Variants in KLHL13 observed in about 807,000 individuals in gnomAD.
KLHL13 encodes kelch like family member 13, also known as kelch-like protein 13.
A neutral mutation model predicts 37.1 loss-of-function variants in KLHL13; 10 were observed. The observed-to-expected ratio is 0.27, with a 90% CI of 0.17 to 0.46. The LOEUF (loss-of-function observed/expected upper bound fraction) is 0.46. Ranked by LOEUF, KLHL13 falls within the 20% of genes least tolerant of loss-of-function variation. KLHL13 has a pLI of 1.00. For missense variants in KLHL13, 360 were observed against 509.3 expected, an observed-to-expected ratio of 0.71 and a Z score of 2.82; for synonymous variants, 163 against 181.2, an observed-to-expected ratio of 0.90 and a Z score of 0.81.
intron 5 of KLHL13, among the ~76,000 whole-genome samples, chrX:117,905,505 GCACACACACA>G (rs34703680): frequency 1.9e-5 from 2 of 103,259 alleles, no homozygotes; most frequent in African/African-American, 7.1e-5. Flanking sequence ...GCTAGTGCGT[GCACACACACA>G]CACACACACA....
At chrX:118,108,819 T>G (rs2055374367) in intron 1 of KLHL13, among the ~76,000 whole-genome samples, 1 of 111,344 alleles carries the variant, frequency 9.0e-6, no homozygotes, top group Non-Finnish European at 1.9e-5. Context: ...TTTAGATTTT[T>G]TTTTTGAGAC....
chrX:118,080,788 A>C (rs1362529782), intron 1 of KLHL13, among the ~76,000 whole-genome samples: 1 of 112,138 alleles, frequency 8.9e-6, no homozygotes, highest in Non-Finnish European at 1.9e-5. Context: ...TTAGATCATT[A>C]TGCCAAAAAT....
chrX:117,927,688 G>T (rs995358016), intron 2 of KLHL13, among the ~76,000 whole-genome samples: 1 of 112,086 alleles, frequency 8.9e-6, no homozygotes, highest in Non-Finnish European at 1.9e-5. Context: ...CAAAATGAAT[G>T]AATCTTAAAA....
chrX:118,020,310 A>G (rs977977751), intron 1 of KLHL13, among the ~76,000 whole-genome samples: 2 of 111,606 alleles, frequency 1.8e-5, no homozygotes, highest in Admixed American at 9.5e-5. Context: ...TTGTTGGTGT[A>G]TAAGAATACT....
chrX:118,030,741 T>A (rs1241640567), intron 1 of KLHL13, among the ~76,000 whole-genome samples: 1 of 111,928 alleles, frequency 8.9e-6, no homozygotes, highest in Non-Finnish European at 1.9e-5. Flanking sequence ...CCTCTGCCTC[T>A]TTTTGCCCTT....
chrX:117,962,264 G>A, intron 1 of KLHL13, among the ~76,000 whole-genome samples: 1 of 107,588 alleles, frequency 9.3e-6, no homozygotes, highest in African/African-American at 3.4e-5. Flanking sequence ...CCATTCGTTT[G>A]CAGTAATTTG....
chrX:117,900,374 A>G (rs1435475782), intron 6 of KLHL13, among the ~76,000 whole-genome samples: 2 of 112,178 alleles, frequency 1.8e-5, no homozygotes, highest in Non-Finnish European at 3.8e-5. Flanking sequence ...TATAGTTTCT[A>G]ACCACTCTTG....
chrX:118,073,668 T>C lies in KLHL13; in HGVS notation c.-56+42840A>G, dbSNP rs2054897471. 2.7e-5 allele frequency among the ~76,000 whole-genome samples: 3 copies of C among 112,165 alleles called. No homozygotes were observed. In the Admixed American group the frequency reaches 2.8e-4, roughly 11 times the overall value. Reference sequence around the variant, plus strand: ...AAGTCATAGAAGAGTTAAGGAATAATTTTGAAAGTTGTGGGAAGGGATGTT... The same window carrying C: ...AAGTCATAGAAGAGTTAAGGAATAACTTTGAAAGTTGTGGGAAGGGATGTT... On this transcript the variant is annotated intron_variant, in intron 1 of 6. Coordinates refer to the KLHL13 transcript ENST00000371882.
At chrX:117,935,681 AACTC>A (rs961899862) in intron 2 of KLHL13, among the ~76,000 whole-genome samples, 2 of 110,833 alleles carry the variant, frequency 1.8e-5, no homozygotes, top group African/African-American at 6.6e-5. Context: ...ATCTCTTGAG[AACTC>A]ACTCACTATC....
intron 1 of KLHL13, among the ~76,000 whole-genome samples, chrX:117,989,575 A>G (rs940056711): frequency 9.0e-6 from 1 of 111,272 alleles, no homozygotes; most frequent in African/African-American, 3.3e-5. Context: ...AAAGTTACAT[A>G]AATGATCAAC....
At chrX:117,907,877 T>G (rs952052722) in intron 5 of KLHL13, among the ~76,000 whole-genome samples, 1 of 110,958 alleles carries the variant, frequency 9.0e-6, no homozygotes, top group Non-Finnish European at 1.9e-5. Flanking sequence ...CAGGAAAGTA[T>G]AAAAGCTGAG....
intron 1 of KLHL13, among the ~76,000 whole-genome samples, chrX:117,952,436 A>T (rs1377500521): frequency 9.3e-6 from 1 of 108,099 alleles, no homozygotes; most frequent in Non-Finnish European, 1.9e-5. Flanking sequence ...TGTTAGACCT[A>T]AAACCATAAA....
intron 1 of KLHL13, among the ~76,000 whole-genome samples, chrX:118,093,664 C>T (rs1170580444): frequency 9.0e-6 from 1 of 111,462 alleles, no homozygotes; most frequent in Admixed American, 9.6e-5. Context: ...TAGGTTATAG[C>T]TAGGAAATCA....
chrX:118,017,257 CTTATTA>C (rs1054004699), intron 1 of KLHL13, among the ~76,000 whole-genome samples: 1 of 111,432 alleles, frequency 9.0e-6, no homozygotes. Context: ...TACTTTGCTC[CTTATTA>C]TTATAATTAA....
intron 1 of KLHL13, among the ~76,000 whole-genome samples, chrX:118,008,836 T>C (rs1182256928): frequency 8.9e-6 from 1 of 111,752 alleles, no homozygotes; most frequent in Non-Finnish European, 1.9e-5. Flanking sequence ...TGCCTCAAAG[T>C]CCTTGTTTGT....
intron 1 of KLHL13, 152 bp from the exon 3 acceptor site, chrX:117,945,727 C>T (rs755988310): frequency 3.4e-5 from 14 of 417,692 alleles, no homozygotes; most frequent in Non-Finnish European, 5.6e-5. Context: ...TTGTACCACT[C>T]TTTATCTTAG....
upstream of KLHL13, among the ~76,000 whole-genome samples, chrX:117,977,030 C>T (rs996478469): frequency 3.6e-5 from 4 of 112,090 alleles, no homozygotes; most frequent in African/African-American, 1.3e-4. Context: ...AACCAAATTT[C>T]AATCTCCTAG....
chrX:117,956,703 T>A (rs774315310), intron 1 of KLHL13, among the ~76,000 whole-genome samples: 7 of 111,683 alleles, frequency 6.3e-5, no homozygotes, highest in Non-Finnish European at 1.3e-4. Flanking sequence ...TCAGTGTAGA[T>A]GAGAAGCAGA....
rs756797059 is a variant in KLHL13, at chrX:118,032,069, A to C, written c.-56+84439T>G. On this transcript the variant is annotated intron_variant, in intron 1 of 6. Coordinates refer to the KLHL13 transcript ENST00000371882. ...AACAGCGCACCAGGAGATTATATCC[A>C]GCACCTGGCTCAGAGGGTCCTAGGC... 1.2e-4 allele frequency among the ~76,000 whole-genome samples: 13 copies of C among 111,602 alleles called. No homozygotes were observed. The South Asian group carries it at 4.9e-3, about 42-fold the overall frequency.
Sources: gnomAD v4.1 joint callset for allele counts (sites outside exome capture counted in the v4.1 genomes callset) on GRCh38, gnomAD v4.1.1 for gene constraint, MANE v1.5 for transcripts, NCBI Gene and HGNC (gene_info 2026-07-23, HGNC 2026-07-21) for gene names.